The following NDST4 variants were observed in gnomAD, a reference collection of about 807,000 sequenced individuals.
NDST4 encodes the protein N-heparan sulfate sulfotransferase 4.
In NDST4, 63 loss-of-function variants were observed where a neutral mutation model predicts 100.8. The observed-to-expected ratio is 0.62, with a 90% CI of 0.51 to 0.77. The LOEUF (loss-of-function observed/expected upper bound fraction) is 0.77. Ranked by LOEUF, NDST4 falls within the 30% of genes least tolerant of loss-of-function variation. The probability of loss-of-function intolerance (pLI) is 0.00; values close to 1 mark genes in which losing one functional copy is unlikely to be tolerated. For missense variants in NDST4, 943 were observed against 1,018.4 expected, an observed-to-expected ratio of 0.93 and a Z score of 1.01; for synonymous variants, 377 against 361.8, an observed-to-expected ratio of 1.04 and a Z score of -0.48.
rs60019799 is a variant in NDST4, at chr4:115,033,131, GTATA to G, written c.978+42924_978+42927del. On this transcript the variant is annotated intron_variant, in intron 2 of 13. Transcript: ENST00000264363. ...GAATGCAAAAATTATATATATATGTGTATATATATATATATATATATATATATTT... is the reference window on the plus strand; with the variant it reads ...GAATGCAAAAATTATATATATATGTGTATATATATATATATATATATATTT... 3.5e-3 allele frequency among the ~76,000 whole-genome samples: 375 copies of G among 107,734 alleles called. 3 individuals carry two copies. Among genetic ancestry groups the G allele is most frequent in the Middle Eastern group, 5.1e-3 (1 of 196 alleles). The allele number at this position is 107,734 out of a possible 152,430, so 70.7% of individuals were successfully genotyped here.
intron 11 of NDST4, among the ~76,000 whole-genome samples, chr4:114,834,455 A>C (rs1232050836): frequency 1.4e-5 from 2 of 147,636 alleles, no homozygotes; most frequent in Non-Finnish European, 3.0e-5. Flanking sequence ...CCAAGGTTGC[A>C]GTGAGCCAAG....
chr4:114,911,080 C>CA (rs1725051789), intron 6 of NDST4, among the ~76,000 whole-genome samples: 1 of 152,138 alleles, frequency 6.6e-6, no homozygotes, highest in Non-Finnish European at 1.5e-5. Context: ...GATCCCTAGT[C>CA]AAAAACCTTC....
chr4:115,090,069 A>G (rs1043647510), intron 1 of NDST4, among the ~76,000 whole-genome samples: 5 of 151,972 alleles, frequency 3.3e-5, no homozygotes, highest in East Asian at 3.9e-4. Flanking sequence ...GTCTCAGCTG[A>G]TTATTTTTAA....
At chr4:114,957,877 A>C (rs1007913788) in intron 4 of NDST4, among the ~76,000 whole-genome samples, 4 of 152,162 alleles carry the variant, frequency 2.6e-5, no homozygotes, top group Non-Finnish European at 4.4e-5. Flanking sequence ...TCACATCCAG[A>C]TCATACTGAT....
At chr4:114,862,411 C>T (rs1054630900) in intron 7 of NDST4, among the ~76,000 whole-genome samples, 1 of 152,098 alleles carries the variant, frequency 6.6e-6, no homozygotes, top group Non-Finnish European at 1.5e-5. Context: ...AGTTCTCAAC[C>T]TATACTTATT....
At chr4:115,022,404 C>CATATATATGTGTTCCAT (rs1553918284) in intron 2 of NDST4, among the ~76,000 whole-genome samples, 864 of 15,240 alleles carry the variant, frequency 0.057, 163 homozygotes, top group Non-Finnish European at 0.08. Context: ...ATATGTGTTC[C>CATATATATGTGTTCCAT]ATATATATGT....
In NDST4 at chr4:114,844,312, C is replaced by A. The variant is rs573916465; in HGVS notation, c.2115+1511G>T. Among the ~76,000 whole-genome samples, 8 of 152,322 alleles carry A rather than the reference C, an allele frequency of 5.3e-5. No homozygotes were observed. The East Asian group carries it at 1.5e-3, about 29-fold the overall frequency. Reference sequence around the variant, plus strand: ...AGAAAATCTGGTAGTCACACACTGGCTACTGTTTTTCAAAGGCTTTCAGTT... The same window carrying A: ...AGAAAATCTGGTAGTCACACACTGGATACTGTTTTTCAAAGGCTTTCAGTT... On this transcript the variant is annotated intron_variant, in intron 10 of 13. Coordinates refer to ENST00000264363, the MANE Select transcript of NDST4 (RefSeq NM_022569.3).
In NDST4 at chr4:114,972,772, T is replaced by A. The variant is rs905001476; in HGVS notation, c.1067-2188A>T. 1.7e-4 allele frequency among the ~76,000 whole-genome samples: 26 copies of A among 152,010 alleles called. No individual in the cohort carries two copies. In the South Asian group the frequency reaches 1.9e-3, roughly 11 times the overall value. ...TTCCATTCATTTTAAACTCTGCTGA[T>A]CATTATTGCAAGTGGCAGGAAGCAC... On this transcript the variant is annotated intron_variant, in intron 3 of 13. Transcript: ENST00000264363.
chr4:114,887,934 T>A (rs1223203976), intron 6 of NDST4, among the ~76,000 whole-genome samples: 7 of 152,162 alleles, frequency 4.6e-5, no homozygotes, highest in Non-Finnish European at 8.8e-5. Flanking sequence ...GGCCTTATAA[T>A]TTTTGCATTT....
chr4:115,084,702 G>A (rs1316186616), intron 1 of NDST4, among the ~76,000 whole-genome samples: 2 of 152,192 alleles, frequency 1.3e-5, no homozygotes, highest in African/African-American at 4.8e-5. Context: ...CTTTCATGTG[G>A]TGTTGGGCCT....
chr4:114,870,008 A>C (rs1439607905), intron 7 of NDST4, among the ~76,000 whole-genome samples: 11 of 152,150 alleles, frequency 7.2e-5, no homozygotes, highest in Non-Finnish European at 1.2e-4. Flanking sequence ...TTCTCAGCCG[A>C]CTGCTTGGCA....
chr4:115,020,234 A>G (rs1326265320), intron 2 of NDST4, among the ~76,000 whole-genome samples: 2 of 152,174 alleles, frequency 1.3e-5, no homozygotes, highest in African/African-American at 4.8e-5. Flanking sequence ...GTTGTCAGAA[A>G]GATGGACTGT....
chr4:114,867,215 AACAG>A (rs1724045983), intron 7 of NDST4, among the ~76,000 whole-genome samples: 1 of 152,122 alleles, frequency 6.6e-6, no homozygotes. Context: ...TCATTCCTTC[AACAG>A]ACACATACTA....
Position 115,076,995 on chromosome 4 carries a change from C to T in NDST4, c.42G>A (p.Leu14=). The T allele has an allele frequency of 6.2e-7, 1 of 1,608,786 alleles. No homozygotes were observed. Among genetic ancestry groups the T allele is most frequent in the Non-Finnish European group, 8.5e-7 (1 of 1,178,280 alleles). The change falls in exon 2 of 14, where the codon TTG becomes TTA. Residue 14 remains leucine, a synonymous_variant. Transcript: ENST00000264363. ...AGCAAAAGGTAGCTAAGAGAACAAT[C>T]AATGTTCGAAAACTTCTCCGAAGTT... ...IVKLRRSFRT[L]IVLLATFCLV... is the part of the protein sequence containing the mutation.
intron 2 of NDST4, among the ~76,000 whole-genome samples, chr4:114,986,832 A>ATATATATATATATT: frequency 0.019 from 1,761 of 94,270 alleles, 112 homozygotes; most frequent in Non-Finnish European, 0.026. Flanking sequence ...ATATATATAT[A>ATATATATATATATT]TTTTAATATA....
At chr4:115,064,554 A>G (rs1286352506) in intron 2 of NDST4, among the ~76,000 whole-genome samples, 1 of 151,978 alleles carries the variant, frequency 6.6e-6, no homozygotes, top group Non-Finnish European at 1.5e-5. Context: ...TTCCAGATAA[A>G]TATTGTAATT....
intron 2 of NDST4, among the ~76,000 whole-genome samples, chr4:115,047,196 A>G (rs1215364130): frequency 1.3e-5 from 2 of 152,118 alleles, no homozygotes; most frequent in African/African-American, 4.8e-5. Flanking sequence ...TTCACCTTAT[A>G]AAATATTTAA....
chr4:114,946,917 C>T (rs1242677671), intron 4 of NDST4, among the ~76,000 whole-genome samples: 2 of 151,496 alleles, frequency 1.3e-5, no homozygotes. Context: ...TATTTTGTTA[C>T]CATTGTATTG....
chr4:115,072,560 C>T (rs957112520), intron 2 of NDST4, among the ~76,000 whole-genome samples: 15 of 151,908 alleles, frequency 9.9e-5, no homozygotes, highest in African/African-American at 3.4e-4. Flanking sequence ...AGATTTTCAG[C>T]GAAGTTTCTA....
Sources: gnomAD v4.1 joint callset for allele counts (sites outside exome capture counted in the v4.1 genomes callset) on GRCh38, gnomAD v4.1.1 for gene constraint, MANE v1.5 for transcripts, NCBI Gene and HGNC (gene_info 2026-07-23, HGNC 2026-07-21) for gene names.